Variants in AIM2 observed in about 807,000 individuals in gnomAD.
AIM2 encodes absent in melanoma 2.
In AIM2, 30 loss-of-function variants were observed where a neutral mutation model predicts 27.7. The observed-to-expected ratio is 1.08, with a 90% CI of 0.81 to 1.47. AIM2 has a LOEUF of 1.47. Ranked by LOEUF, AIM2 falls within the 40% of genes most tolerant of loss-of-function variation. The pLI is 0.00. For missense variants in AIM2, 358 were observed against 411.3 expected (o/e 0.87, Z 1.12); for synonymous variants, 141 against 145.3 (o/e 0.97, Z 0.21).
intron 1 of AIM2, among the ~76,000 whole-genome samples, chr1:159,123,129 A>G (rs990971438): frequency 6.6e-6 from 1 of 152,238 alleles, no homozygotes; most frequent in African/African-American, 2.4e-5. Flanking sequence ...CAAATGAAAT[A>G]GTAAGACTAA....
At chr1:159,135,981 C>T (rs1415501234) in intron 1 of AIM2, among the ~76,000 whole-genome samples, 4 of 152,200 alleles carry the variant, frequency 2.6e-5, no homozygotes, top group African/African-American at 7.2e-5. Context: ...CTTTAAAGCC[C>T]GGCATTGCCC....
intron 1 of AIM2, among the ~76,000 whole-genome samples, chr1:159,089,256 A>C (rs906296412): frequency 5.3e-5 from 8 of 152,246 alleles, no homozygotes; most frequent in Admixed American, 2.6e-4. Context: ...CTTATTTTAT[A>C]GATGAGAAAA....
At chr1:159,065,859 G>T in intron 4 of AIM2, 51 bp downstream of exon 4, 1 of 1,507,156 alleles carries the variant, frequency 6.6e-7, no homozygotes, top group South Asian at 1.4e-5. Context: ...AGATCAGATG[G>T]GAAATACGTT....
intron 1 of AIM2, among the ~76,000 whole-genome samples, chr1:159,112,627 A>G (rs1490046281): frequency 6.6e-6 from 1 of 152,226 alleles, no homozygotes; most frequent in Non-Finnish European, 1.5e-5. Flanking sequence ...TCTATAAAAG[A>G]TGTCACAACA....
At chr1:159,088,829 G>C (rs982746075) in intron 1 of AIM2, among the ~76,000 whole-genome samples, 1 of 152,202 alleles carries the variant, frequency 6.6e-6, no homozygotes, top group Non-Finnish European at 1.5e-5. Flanking sequence ...CCACAAGCAA[G>C]AAGGCCCTCA....
At chr1:159,087,140 T>C (rs1656932693) in intron 1 of AIM2, among the ~76,000 whole-genome samples, 1 of 152,200 alleles carries the variant, frequency 6.6e-6, no homozygotes, top group South Asian at 2.1e-4. Context: ...TTTCTCATTC[T>C]TACTTCCCTT....
At chr1:159,132,761 C>T (rs934279805) in intron 1 of AIM2, among the ~76,000 whole-genome samples, 1 of 152,162 alleles carries the variant, frequency 6.6e-6, no homozygotes, top group African/African-American at 2.4e-5. Context: ...ATGTGAATTG[C>T]ATCTGTTTAT....
chr1:159,139,711 T>C (rs1648075781), intron 1 of AIM2, among the ~76,000 whole-genome samples: 1 of 152,188 alleles, frequency 6.6e-6, no homozygotes, highest in African/African-American at 2.4e-5. Flanking sequence ...GCTGGCTCTA[T>C]CAAATTCTGA....
intron 3 of AIM2, 46 bp from the exon 4 acceptor site, chr1:159,066,375 C>CT (rs1430950486): frequency 6.4e-7 from 1 of 1,557,626 alleles, no homozygotes; most frequent in South Asian, 1.2e-5. Context: ...CAAAAAGGTA[C>CT]TATTGAAAGG....
rs563762664 is a variant in AIM2, at chr1:159,086,126, A to G, written c.-15-19797T>C. ...GTTTCAGATCTAGGAAACATCCAAC[A>G]GATAATTATTTGCTTCCACCAGATT... is the stretch of plus-strand genomic sequence containing the variant. On this transcript the variant is annotated intron_variant, in intron 1 of 2. Transcript: ENST00000368129. Among the ~76,000 whole-genome samples the G allele has an allele frequency of 2.0e-5, 3 of 152,338 alleles. No homozygotes were observed. The South Asian group carries it at 6.2e-4, about 32-fold the overall frequency.
upstream of AIM2, among the ~76,000 whole-genome samples, chr1:159,142,365 T>A (rs1032562431): frequency 3.3e-5 from 5 of 152,144 alleles, no homozygotes; most frequent in Non-Finnish European, 7.4e-5. Context: ...GTTCAGTGTG[T>A]GTGTTCAGTG....
At chr1:159,103,119 C>T (rs1657351371) in intron 1 of AIM2, among the ~76,000 whole-genome samples, 3 of 152,170 alleles carry the variant, frequency 2.0e-5, no homozygotes, top group South Asian at 2.1e-4. Context: ...TTCCCCCATG[C>T]TGTTGTCATG....
chr1:159,079,861 T>A (rs1656734932), upstream of AIM2, among the ~76,000 whole-genome samples: 1 of 152,184 alleles, frequency 6.6e-6, no homozygotes, highest in Admixed American at 6.5e-5. Flanking sequence ...TCCCGACAAA[T>A]CCTGGCAACC....
intron 1 of AIM2, among the ~76,000 whole-genome samples, chr1:159,128,492 G>A (rs528290101): frequency 2.0e-5 from 3 of 152,154 alleles, no homozygotes; most frequent in East Asian, 1.9e-4. Flanking sequence ...TCGTTATAGC[G>A]AGTTCACTCA....
At chr1:159,093,204 G>C (rs1453951562) in intron 1 of AIM2, among the ~76,000 whole-genome samples, 1 of 151,870 alleles carries the variant, frequency 6.6e-6, no homozygotes, top group African/African-American at 2.4e-5. Flanking sequence ...GACACTAATG[G>C]AAAAGAAGTA....
chr1:159,091,697 A>G (rs889832176), intron 1 of AIM2, among the ~76,000 whole-genome samples: 4 of 152,206 alleles, frequency 2.6e-5, no homozygotes, highest in Admixed American at 6.5e-5. Flanking sequence ...TTGGAGAGTA[A>G]CTTAGGGGGT....
intron 1 of AIM2, among the ~76,000 whole-genome samples, chr1:159,090,246 T>C (rs971813011): frequency 6.6e-6 from 1 of 152,220 alleles, no homozygotes; most frequent in Non-Finnish European, 1.5e-5. Flanking sequence ...TCTAACAGTC[T>C]GTTTCTTGGG....
intron 5 of AIM2, 53 bp downstream of exon 5, chr1:159,063,433 A>C: frequency 6.5e-7 from 1 of 1,541,472 alleles, no homozygotes; most frequent in Admixed American, 2.0e-5. Context: ...TCTGATAGAA[A>C]ACAAAAAATA....
intron 1 of AIM2, among the ~76,000 whole-genome samples, chr1:159,127,506 T>C (rs1404227619): frequency 6.6e-6 from 1 of 152,212 alleles, no homozygotes; most frequent in Non-Finnish European, 1.5e-5. Context: ...GTATTATCAG[T>C]AATGAAAACA....
Sources: allele counts gnomAD v4.1 joint callset (sites outside exome capture counted in the v4.1 genomes callset), GRCh38; gene constraint gnomAD v4.1.1; transcripts MANE v1.5; gene names NCBI Gene and HGNC (gene_info 2026-07-23, HGNC 2026-07-21).